Variants in ADGRB3 observed in about 807,000 individuals in gnomAD.
ADGRB3 encodes adhesion G protein-coupled receptor B3.
Under a neutral mutation model 193.4 loss-of-function variants are expected in ADGRB3, and 37 were observed. The observed-to-expected ratio is 0.19, with a 90% CI of 0.15 to 0.25. The LOEUF is 0.25. ADGRB3 is among the 10% of genes least tolerant of loss of function. The probability of loss-of-function intolerance (pLI) is 1.00; values close to 1 mark genes in which losing one functional copy is unlikely to be tolerated. For synonymous variants in ADGRB3, 690 were observed against 644.2 expected, an observed-to-expected ratio of 1.07 and a Z score of -1.08; for missense variants, 1,637 against 1,852.9, an observed-to-expected ratio of 0.88 and a Z score of 2.14.
intron 17 of ADGRB3, among the ~76,000 whole-genome samples, chr6:69,084,227 C>T (rs568632560): frequency 2.0e-5 from 3 of 152,178 alleles, no homozygotes; most frequent in Admixed American, 1.3e-4. Flanking sequence ...TTATATAATG[C>T]TTGAGAAGAG....
At chr6:68,775,145 T>TA (rs746086066) in intron 3 of ADGRB3, among the ~76,000 whole-genome samples, 65 of 115,640 alleles carry the variant, frequency 5.6e-4, no homozygotes, top group Middle Eastern at 5.4e-3. Flanking sequence ...AGCTGCTTGT[T>TA]AAAAAAAAAA....
intron 29 of ADGRB3, among the ~76,000 whole-genome samples, chr6:69,363,549 A>C (rs1561999979): frequency 6.6e-6 from 1 of 152,050 alleles, no homozygotes; most frequent in Non-Finnish European, 1.5e-5. Context: ...GAGCAAGTGC[A>C]TAGCAAATCT....
intron 11 of ADGRB3, among the ~76,000 whole-genome samples, chr6:69,013,369 C>T (rs1183266128): frequency 6.6e-6 from 1 of 152,072 alleles, no homozygotes; most frequent in Non-Finnish European, 1.5e-5. Flanking sequence ...CAGTTAGAGA[C>T]AAGAATGATG....
At chr6:69,243,985 T>C (rs1766437265) in intron 20 of ADGRB3, among the ~76,000 whole-genome samples, 1 of 152,052 alleles carries the variant, frequency 6.6e-6, no homozygotes, top group Non-Finnish European at 1.5e-5. Flanking sequence ...TTAGCTTGAG[T>C]CTTAATTGAC....
intron 24 of ADGRB3, among the ~76,000 whole-genome samples, chr6:69,333,819 A>G (rs1007120000): frequency 1.3e-5 from 2 of 150,744 alleles, no homozygotes; most frequent in African/African-American, 4.9e-5. Flanking sequence ...AGTCCCAGCT[A>G]CTCGGGAGGC....
At chr6:69,077,617 T>C (rs1239786633) in intron 17 of ADGRB3, among the ~76,000 whole-genome samples, 3 of 151,944 alleles carry the variant, frequency 2.0e-5, no homozygotes, top group Admixed American at 6.6e-5. Context: ...AGGTGTTAAG[T>C]TGAATTTATC....
intron 3 of ADGRB3, among the ~76,000 whole-genome samples, chr6:68,929,487 C>T (rs890373358): frequency 6.6e-6 from 1 of 152,154 alleles, no homozygotes; most frequent in Admixed American, 6.6e-5. Flanking sequence ...AGCTTAATTA[C>T]ACTATCTGCA....
intron 24 of ADGRB3, among the ~76,000 whole-genome samples, chr6:69,336,260 T>C (rs1187943633): frequency 6.6e-6 from 1 of 152,012 alleles, no homozygotes; most frequent in Non-Finnish European, 1.5e-5. Context: ...AAATGGCATG[T>C]ATATTTTTAG....
intron 17 of ADGRB3, among the ~76,000 whole-genome samples, chr6:69,090,708 C>G (rs1409885008): frequency 6.6e-6 from 1 of 152,126 alleles, no homozygotes; most frequent in Non-Finnish European, 1.5e-5. Context: ...AAGGGCTATA[C>G]CTGAGCTAAT....
At chr6:69,084,741 T>C (rs564368751) in intron 17 of ADGRB3, among the ~76,000 whole-genome samples, 1 of 152,154 alleles carries the variant, frequency 6.6e-6, no homozygotes, top group Non-Finnish European at 1.5e-5. Context: ...ATAATTGCAA[T>C]ATATCTCATC....
chr6:68,881,998 A>G (rs1765747126), intron 3 of ADGRB3, among the ~76,000 whole-genome samples: 1 of 152,200 alleles, frequency 6.6e-6, no homozygotes, highest in East Asian at 1.9e-4. Flanking sequence ...TGTGGAATCT[A>G]TGAATCCTTC....
chr6:68,922,483 T>C (rs1025600978), intron 3 of ADGRB3, among the ~76,000 whole-genome samples: 1 of 152,248 alleles, frequency 6.6e-6, no homozygotes, highest in African/African-American at 2.4e-5. Flanking sequence ...AAACAACTCT[T>C]ATGTTACTCA....
chr6:68,975,659 G>C (rs1469741278), intron 10 of ADGRB3, among the ~76,000 whole-genome samples: 1 of 152,150 alleles, frequency 6.6e-6, no homozygotes, highest in African/African-American at 2.4e-5. Context: ...GCTTAAGTCT[G>C]TGTTAAATAC....
intron 3 of ADGRB3, among the ~76,000 whole-genome samples, chr6:68,712,190 C>T (rs555420654): frequency 2.0e-5 from 3 of 151,768 alleles, no homozygotes; most frequent in Admixed American, 2.0e-4. Flanking sequence ...TTAATTTATG[C>T]GTATAACATC....
At chr6:68,871,049 C>T (rs985621441) in intron 3 of ADGRB3, among the ~76,000 whole-genome samples, 11 of 152,180 alleles carry the variant, frequency 7.2e-5, no homozygotes, top group Non-Finnish European at 1.3e-4. Flanking sequence ...ACTTACCCTT[C>T]TCTTGGACAA....
At chr6:69,055,834 T>C (rs530300918) in intron 15 of ADGRB3, among the ~76,000 whole-genome samples, 90 of 152,140 alleles carry the variant, frequency 5.9e-4, no homozygotes, top group African/African-American at 2.0e-3. Context: ...TTTGTTTTGT[T>C]TTGTTTTGTT....
chr6:68,844,679 A>G (rs1281175504), intron 3 of ADGRB3, among the ~76,000 whole-genome samples: 2 of 152,210 alleles, frequency 1.3e-5, no homozygotes, highest in Non-Finnish European at 2.9e-5. Context: ...TGTTTATTGC[A>G]TTACTCTTCA....
At chr6:68,844,133 C>A (rs1293193386) in intron 3 of ADGRB3, among the ~76,000 whole-genome samples, 4 of 151,932 alleles carry the variant, frequency 2.6e-5, no homozygotes, top group African/African-American at 9.7e-5. Context: ...TGAATAATAC[C>A]CCACAAGTAG....
intron 20 of ADGRB3, among the ~76,000 whole-genome samples, chr6:69,318,861 GTATA>G (rs71536460): frequency 6.8e-6 from 1 of 147,868 alleles, no homozygotes; most frequent in African/African-American, 2.5e-5. Flanking sequence ...ATGTATAACT[GTATA>G]TATATATATA....
Sources: allele counts gnomAD v4.1 joint callset (sites outside exome capture counted in the v4.1 genomes callset), GRCh38; gene constraint gnomAD v4.1.1; transcripts MANE v1.5; gene names NCBI Gene and HGNC (gene_info 2026-07-23, HGNC 2026-07-21).